UBE3A: variants seen among roughly 807,000 people sequenced by gnomAD.
UBE3A encodes the protein ubiquitin-protein ligase E3A.
A neutral mutation model predicts 83.4 loss-of-function variants in UBE3A; 6 were observed. The ratio of observed to expected loss-of-function variants is 0.07; its 90% confidence interval spans 0.04 to 0.14. The LOEUF (loss-of-function observed/expected upper bound fraction) is 0.14, where lower values mean the gene tolerates loss of function less well. Ranked by LOEUF, UBE3A falls within the 10% of genes least tolerant of loss-of-function variation. UBE3A has a pLI of 1.00. For synonymous variants in UBE3A, 337 were observed against 355.4 expected (o/e 0.95, Z 0.58); for missense variants, 456 against 1,036.1 (o/e 0.44, Z 7.69).
At chr15:25,403,033 G>C (rs149810242) in intron 4 of UBE3A, among the ~76,000 whole-genome samples, 2 of 152,158 alleles carry the variant, frequency 1.3e-5, no homozygotes. Flanking sequence ...ATACTCCAAT[G>C]TTAACATCTT....
intron 4 of UBE3A, among the ~76,000 whole-genome samples, chr15:25,401,803 TCA>T (rs1567081788): frequency 6.6e-6 from 1 of 152,194 alleles, no homozygotes; most frequent in East Asian, 1.9e-4. Flanking sequence ...TCTTTTGAGT[TCA>T]GATTCTTTTG....
chr15:25,435,172 G>T (rs1894679291), intron 1 of UBE3A, among the ~76,000 whole-genome samples: 1 of 146,936 alleles, frequency 6.8e-6, no homozygotes, highest in African/African-American at 2.6e-5. Flanking sequence ...TGAGTCCATA[G>T]AACTGCTCTT....
intron 1 of UBE3A, among the ~76,000 whole-genome samples, chr15:25,432,138 G>T (rs1893654300): frequency 6.6e-6 from 1 of 152,166 alleles, no homozygotes; most frequent in South Asian, 2.1e-4. Flanking sequence ...CATCTGAGAA[G>T]AAAATAAAGA....
intron 6 of UBE3A, among the ~76,000 whole-genome samples, chr15:25,366,291 A>G (rs984649073): frequency 2.0e-5 from 3 of 152,228 alleles, no homozygotes; most frequent in Non-Finnish European, 4.4e-5. Flanking sequence ...GCAGCACAGA[A>G]TAATCTCATT....
At chr15:25,399,853 A>T (rs1469621976) in intron 4 of UBE3A, among the ~76,000 whole-genome samples, 3 of 151,954 alleles carry the variant, frequency 2.0e-5, no homozygotes, top group Non-Finnish European at 4.4e-5. Flanking sequence ...GTGGGAATAC[A>T]CGTGTGAGCA....
At chr15:25,408,865 C>A (rs895754305) in intron 3 of UBE3A, among the ~76,000 whole-genome samples, 5 of 152,010 alleles carry the variant, frequency 3.3e-5, no homozygotes, top group African/African-American at 1.2e-4. Flanking sequence ...GAAATACTTT[C>A]CTGTTTATAC....
intron 4 of UBE3A, among the ~76,000 whole-genome samples, chr15:25,384,948 G>A (rs2082848433): frequency 6.6e-6 from 1 of 152,144 alleles, no homozygotes; most frequent in African/African-American, 2.4e-5. Flanking sequence ...CATATACAAA[G>A]ATGAACTCAA....
chr15:25,371,086 T>A lies in UBE3A; in HGVS notation c.1088A>T (p.Asp363Val), dbSNP rs1304796231. Reference protein sequence around the residue: ...FNSRNLVNDDDAIVAASKCLK... With the variant: ...FNSRNLVNDDVAIVAASKCLK... ...GCACTTCGAAGCAGCAACAATGGCA[T>A]CATCATCATTCACTAGATTTCGACT... The change falls in exon 6 of 13, where the codon GAT (aspartate) becomes GTT (valine). Residue 363 changes from aspartate (D) to valine (V), a missense_variant. Coordinates refer to ENST00000648336, the MANE Select transcript of UBE3A (RefSeq NM_130839.5). The surrounding 1 kb of genome is among the most constrained non-coding windows in gnomAD (Gnocchi z 5.3). The A allele has an allele frequency of 6.2e-7, 1 of 1,614,080 alleles. No individual in the cohort carries two copies. The highest frequency in any genetic ancestry group is 2.2e-5 in the East Asian group (1 of 44,878).
At chr15:25,409,026 A>G (rs377628290) in intron 3 of UBE3A, 62 bp downstream of exon 3, 1 of 1,510,376 alleles carries the variant, frequency 6.6e-7, no homozygotes, top group Non-Finnish European at 9.0e-7. Flanking sequence ...CTTCATTTTT[A>G]CAGTATGTAT....
In UBE3A at chr15:25,367,077, A is replaced by T. The variant is rs564688531; in HGVS notation, c.1608+3489T>A. Among the ~76,000 whole-genome samples, 39 of 151,804 alleles carry T rather than the reference A, an allele frequency of 2.6e-4. 1 individual carries two copies. Among genetic ancestry groups the T allele is most frequent in the African/African-American group, 7.2e-4 (30 of 41,508 alleles). On this transcript the variant is annotated intron_variant, in intron 6 of 12. Coordinates refer to ENST00000648336, the MANE Select transcript of UBE3A (RefSeq NM_130839.5). ...TATCTTCTCCTTTAAGAAGTAATTTAAAAAATCTTAATACATACTATCATT... is the reference window on the plus strand; with the variant it reads ...TATCTTCTCCTTTAAGAAGTAATTTTAAAAATCTTAATACATACTATCATT...
intron 3 of UBE3A, 74 bp from the exon 4 acceptor site, chr15:25,405,576 G>A (rs1321572489): frequency 1.3e-6 from 2 of 1,487,216 alleles, no homozygotes; most frequent in Non-Finnish European, 1.9e-6. Flanking sequence ...TATTACTTAG[G>A]AAGACAATTT....
chr15:25,364,370 C>A (rs1033164439), intron 6 of UBE3A, among the ~76,000 whole-genome samples: 1 of 151,950 alleles, frequency 6.6e-6, no homozygotes, highest in Non-Finnish European at 1.5e-5. Flanking sequence ...TAAAAATAAC[C>A]TCCATCAATT....
chr15:25,372,788 G>A (rs2080506829), intron 5 of UBE3A, among the ~76,000 whole-genome samples: 1 of 152,086 alleles, frequency 6.6e-6, no homozygotes, highest in Admixed American at 6.5e-5. Flanking sequence ...TTAACTACTT[G>A]AGAGGTTAAT....
At chr15:25,340,282 AC>A (rs1399926108) in intron 11 of UBE3A, 54 bp from the exon 12 acceptor site, 1 of 1,568,318 alleles carries the variant, frequency 6.4e-7, no homozygotes, top group Non-Finnish European at 8.7e-7. Context: ...TATGACTGGT[AC>A]TAACATAAGC....
intron 1 of UBE3A, among the ~76,000 whole-genome samples, chr15:25,433,731 A>G: frequency 6.6e-6 from 1 of 152,176 alleles, no homozygotes; most frequent in East Asian, 1.9e-4. Flanking sequence ...GATATCAGTC[A>G]TAAGGCTTAG....
chr15:25,420,489 T>C (rs1192336866), intron 1 of UBE3A, among the ~76,000 whole-genome samples: 1 of 152,148 alleles, frequency 6.6e-6, no homozygotes, highest in Non-Finnish European at 1.5e-5. Context: ...AATACATTTA[T>C]CTATCTGACA....
intron 1 of UBE3A, among the ~76,000 whole-genome samples, chr15:25,434,321 G>A (rs1263837051): frequency 3.3e-5 from 5 of 152,156 alleles, no homozygotes; most frequent in Non-Finnish European, 5.9e-5. Context: ...GCTCATGCCT[G>A]TAATCCCAAC....
At chr15:25,436,682 C>G (rs1020126995) in intron 1 of UBE3A, among the ~76,000 whole-genome samples, 7 of 152,046 alleles carry the variant, frequency 4.6e-5, no homozygotes, top group African/African-American at 1.4e-4. Flanking sequence ...ATGGACTGCA[C>G]AAGTGGGATG....
intron 4 of UBE3A, among the ~76,000 whole-genome samples, chr15:25,388,565 T>A (rs2083620438): frequency 6.6e-6 from 1 of 152,056 alleles, no homozygotes; most frequent in South Asian, 2.1e-4. Context: ...AAGAAAAGAA[T>A]ATCCCCACCT....
Sources: gnomAD v4.1 joint callset for allele counts (sites outside exome capture counted in the v4.1 genomes callset) on GRCh38, gnomAD v4.1.1 for gene constraint, Gnocchi (gnomAD v3.1) non-coding constraint, MANE v1.5 for transcripts, NCBI Gene and HGNC (gene_info 2026-07-23, HGNC 2026-07-21) for gene names.